Variants in RBFOX1 observed in about 807,000 individuals in gnomAD.
RBFOX1 encodes RNA binding protein fox-1 homolog 1.
A neutral mutation model predicts 57.7 loss-of-function variants in RBFOX1; 8 were observed. That is an observed-to-expected ratio of 0.14 (90% CI 0.08 to 0.25). RBFOX1 has a LOEUF of 0.25. Ranked by LOEUF, RBFOX1 falls within the 10% of genes least tolerant of loss-of-function variation. The pLI, the probability that RBFOX1 is intolerant of heterozygous loss-of-function variation, is 1.00. For missense variants in RBFOX1, 611 were observed against 548.5 expected (o/e 1.11, Z -1.14); for synonymous variants, 326 against 222.4 (o/e 1.47, Z -4.15).
intron 3 of RBFOX1, among the ~76,000 whole-genome samples, chr16:5,680,893 T>A (rs1246174306): frequency 6.7e-6 from 1 of 150,098 alleles, no homozygotes; most frequent in Non-Finnish European, 1.5e-5. Context: ...GAGCTTGTAT[T>A]TGTGTGTGTG....
At chr16:6,242,785 A>C (rs1214019258) in intron 1 of RBFOX1, among the ~76,000 whole-genome samples, 2 of 152,152 alleles carry the variant, frequency 1.3e-5, no homozygotes, top group African/African-American at 2.4e-5. Context: ...CCCAGATAAT[A>C]AACACATAAC....
chr16:7,636,728 G>C (rs2061818802), intron 11 of RBFOX1, among the ~76,000 whole-genome samples: 1 of 152,168 alleles, frequency 6.6e-6, no homozygotes. Flanking sequence ...TCTGGAGGCT[G>C]GAAGTCCAAG....
intron 4 of RBFOX1, among the ~76,000 whole-genome samples, chr16:5,936,754 A>G (rs1816269013): frequency 6.6e-6 from 1 of 152,202 alleles, no homozygotes; most frequent in South Asian, 2.1e-4. Context: ...AATGGAGAAA[A>G]GAGCTGAGTT....
At chr16:5,315,831 T>C (rs2151234200) in intron 1 of RBFOX1, among the ~76,000 whole-genome samples, 1 of 152,258 alleles carries the variant, frequency 6.6e-6, no homozygotes, top group African/African-American at 2.4e-5. Flanking sequence ...GATGTCCACC[T>C]CTGTGCTCAC....
chr16:6,347,157 G>T (rs1347173484), intron 2 of RBFOX1, among the ~76,000 whole-genome samples: 1 of 152,130 alleles, frequency 6.6e-6, no homozygotes, highest in Non-Finnish European at 1.5e-5. Flanking sequence ...CCTGGAATGG[G>T]CAATAAAGCC....
At chr16:7,185,455 A>G (rs557917637) in intron 4 of RBFOX1, among the ~76,000 whole-genome samples, 6 of 152,296 alleles carry the variant, frequency 3.9e-5, no homozygotes, top group African/African-American at 9.6e-5. Context: ...TGGTAAGACT[A>G]GATTAGAGCT....
At chr16:6,561,107 C>G (rs993862051) in intron 2 of RBFOX1, among the ~76,000 whole-genome samples, 2 of 152,136 alleles carry the variant, frequency 1.3e-5, no homozygotes, top group Non-Finnish European at 2.9e-5. Flanking sequence ...AATTTGCAGT[C>G]TATGAACTTT....
At chr16:6,236,660 A>G (rs1340422374) in intron 1 of RBFOX1, among the ~76,000 whole-genome samples, 1 of 152,070 alleles carries the variant, frequency 6.6e-6, no homozygotes, top group Non-Finnish European at 1.5e-5. Flanking sequence ...CATGTTGTCC[A>G]GGCTGGTCTC....
chr16:5,543,117 A>T (rs1039951585), intron 2 of RBFOX1, among the ~76,000 whole-genome samples: 1 of 152,212 alleles, frequency 6.6e-6, no homozygotes, highest in Non-Finnish European at 1.5e-5. Context: ...AAAGGGATCG[A>T]ACTGTTTTCA....
intron 2 of RBFOX1, among the ~76,000 whole-genome samples, chr16:6,516,882 T>C (rs2096389964): frequency 6.6e-6 from 1 of 152,138 alleles, no homozygotes; most frequent in Non-Finnish European, 1.5e-5. Flanking sequence ...ATGTTGCATT[T>C]GAAAAAGAGC....
Position 5,520,935 on chromosome 16 carries a change from C to T in RBFOX1, c.258+53681C>T, listed in dbSNP as rs116820074. On this transcript the variant is annotated intron_variant, in intron 2 of 2. Coordinates refer to the RBFOX1 transcript ENST00000585867. ...TTCTGGGTCCTGGAGTGAAGTTACA[C>T]GAGGAGAGCCACAGCCAACTGCAGC... is the stretch of plus-strand genomic sequence containing the variant. Among the ~76,000 whole-genome samples the T allele has an allele frequency of 4.3e-3, 650 of 152,218 alleles. 3 individuals carry two copies. Among genetic ancestry groups the T allele is most frequent in the African/African-American group, 0.015 (608 of 41,512 alleles).
intron 4 of RBFOX1, among the ~76,000 whole-genome samples, chr16:5,964,222 G>A (rs1184101611): frequency 6.6e-6 from 1 of 152,180 alleles, no homozygotes; most frequent in Non-Finnish European, 1.5e-5. Context: ...TATTAGGATG[G>A]CTGTTGTCCA....
intron 4 of RBFOX1, among the ~76,000 whole-genome samples, chr16:7,177,517 A>C (rs2081924607): frequency 6.6e-6 from 1 of 151,966 alleles, no homozygotes; most frequent in African/African-American, 2.4e-5. Flanking sequence ...AAAAAGAAGT[A>C]GATCAGGGAT....
At chr16:6,193,383 A>ATG (rs1319808462) in intron 1 of RBFOX1, among the ~76,000 whole-genome samples, 1,409 of 61,618 alleles carry the variant, frequency 0.023, 43 homozygotes, top group African/African-American at 0.071. Context: ...TATACATTAT[A>ATG]TATATATACT....
chr16:6,594,961 G>A (rs1445316368), intron 2 of RBFOX1, among the ~76,000 whole-genome samples: 3 of 152,046 alleles, frequency 2.0e-5, no homozygotes, highest in Admixed American at 6.6e-5. Flanking sequence ...GCTAATTTTT[G>A]TGTTTATAGC....
chr16:5,384,857 T>G (rs1322703860), intron 1 of RBFOX1, among the ~76,000 whole-genome samples: 2 of 152,178 alleles, frequency 1.3e-5, no homozygotes, highest in African/African-American at 4.8e-5. Context: ...ATCGTAGTGA[T>G]TCCTACCTCA....
chr16:6,528,916 A>G (rs571084047), intron 2 of RBFOX1, among the ~76,000 whole-genome samples: 1 of 152,306 alleles, frequency 6.6e-6, no homozygotes, highest in African/African-American at 2.4e-5. Context: ...GGCCAGAGGA[A>G]TATTTATTAA....
intron 3 of RBFOX1, among the ~76,000 whole-genome samples, chr16:6,798,835 G>A (rs74007056): frequency 0.039 from 5,981 of 152,198 alleles, 408 homozygotes; most frequent in African/African-American, 0.14. Flanking sequence ...TCCCTAGGAT[G>A]CTTCGGGGAG....
intron 4 of RBFOX1, among the ~76,000 whole-genome samples, chr16:7,082,260 A>T (rs975495715): frequency 6.6e-6 from 1 of 152,102 alleles, no homozygotes; most frequent in Non-Finnish European, 1.5e-5. Context: ...ATACATTGTC[A>T]AGTGATGTCC....
Sources: gnomAD v4.1 joint callset for allele counts (sites outside exome capture counted in the v4.1 genomes callset) on GRCh38, gnomAD v4.1.1 for gene constraint, MANE v1.5 for transcripts, NCBI Gene and HGNC (gene_info 2026-07-23, HGNC 2026-07-21) for gene names.